The following UGT2B15 variants were observed in gnomAD, a reference collection of about 807,000 sequenced individuals.
UGT2B15 encodes UDP glucuronosyltransferase family 2 member B15.
In UGT2B15, 36 loss-of-function variants were observed where a neutral mutation model predicts 45.9. The observed-to-expected ratio is 0.78, with a 90% CI of 0.60 to 1.04. The LOEUF is 1.04. UGT2B15 is among the 50% of genes least tolerant of loss of function. UGT2B15 has a pLI of 0.00. For synonymous variants in UGT2B15, 219 were observed against 216.4 expected (o/e 1.01, Z -0.11); for missense variants, 617 against 622.4 (o/e 0.99, Z 0.09).
rs1560601209 is a variant in UGT2B15, at chr4:68,647,140, C to G, written c.1557G>C (p.Lys519Asn). The change falls in exon 6 of 6, where the codon AAG (lysine) becomes AAC (asparagine). Residue 519 changes from lysine to asparagine, a missense_variant. Around this residue, in one of 3 missense-constraint regions of UGT2B15, gnomAD observed 265 missense variants for 245.1 expected, o/e 1.08. Coordinates refer to ENST00000338206, the MANE Select transcript of UGT2B15 (RefSeq NM_001076.4). ...ITKFCLFCFRKLAKKGKKKKR... is the reference protein window; with the variant it reads ...ITKFCLFCFRNLAKKGKKKKR... ...TCTTCTTCTTTCCTTTTTTGGCAAG[C>G]TTTCGGAAACAAAACAGGCAAAATT... 1 of 1,613,016 alleles carries G rather than the reference C, an allele frequency of 6.2e-7. No individual in the cohort carries two copies. The highest frequency in any genetic ancestry group is 8.5e-7 in the Non-Finnish European group (1 of 1,179,594).
chr4:68,669,539 A>G (rs527522610), intron 1 of UGT2B15, among the ~76,000 whole-genome samples: 2 of 152,302 alleles, frequency 1.3e-5, no homozygotes, highest in African/African-American at 2.4e-5. Context: ...ATGTGTAAAT[A>G]CTAAATTTAT....
intron 3 of UGT2B15, among the ~76,000 whole-genome samples, chr4:68,661,051 A>T (rs1388728721): frequency 1.3e-5 from 2 of 152,044 alleles, no homozygotes; most frequent in Admixed American, 1.3e-4. Flanking sequence ...CTTTCCTAAT[A>T]ACTCAGGACC....
At position 68,647,341 on chromosome 4, in the gene UGT2B15, G is replaced by C; in HGVS notation, c.1356C>G (p.Asp452Glu). Residue 452 changes from aspartate to glutamate, a missense_variant, in exon 6 of 6, where the codon GAC becomes GAG. Transcript: ENST00000338206. ...CTCGATCCAGGGGCTTCATTGGTTG[G>C]TCATGATGAATTCTTGATAATTTCA... ...NVMKLSRIHH[D>E]QPMKPLDRAV... 1 of 1,613,670 alleles carries C rather than the reference G, an allele frequency of 6.2e-7. No individual in the cohort carries two copies. Among genetic ancestry groups the C allele is most frequent in the Non-Finnish European group, 8.5e-7 (1 of 1,179,710 alleles).
chr4:68,668,316 T>TA, intron 1 of UGT2B15, 128 bp from the exon 2 acceptor site: 1 of 1,319,410 alleles, frequency 7.6e-7, no homozygotes, highest in Non-Finnish European at 1.0e-6. Context: ...TGTGCATTGA[T>TA]AAAATATATA....
chr4:68,657,612 C>A (rs1732846182), intron 3 of UGT2B15, among the ~76,000 whole-genome samples: 1 of 152,034 alleles, frequency 6.6e-6, no homozygotes, highest in Non-Finnish European at 1.5e-5. Context: ...CTCTACTTGG[C>A]AGAGTTTATG....
At chr4:68,647,700 A>T (rs1732523127) in intron 5 of UGT2B15, among the ~76,000 whole-genome samples, 1 of 151,940 alleles carries the variant, frequency 6.6e-6, no homozygotes, top group Non-Finnish European at 1.5e-5. Flanking sequence ...TTTGAGAATG[A>T]TCTTTTTGAT....
At chr4:68,648,298 A>G (rs1732543773) in intron 5 of UGT2B15, among the ~76,000 whole-genome samples, 1 of 152,088 alleles carries the variant, frequency 6.6e-6, no homozygotes, top group Non-Finnish European at 1.5e-5. Flanking sequence ...ACTTTCTTCT[A>G]GAGACAATGG....
intron 3 of UGT2B15, among the ~76,000 whole-genome samples, chr4:68,662,769 C>T (rs1733002672): frequency 7.0e-6 from 1 of 143,518 alleles, no homozygotes; most frequent in Admixed American, 7.3e-5. Flanking sequence ...ACTTCACTAG[C>T]ACCTCTTAAA....
chr4:68,651,789 T>A (rs1732663309), intron 5 of UGT2B15, among the ~76,000 whole-genome samples: 1 of 152,138 alleles, frequency 6.6e-6, no homozygotes, highest in African/African-American at 2.4e-5. Context: ...GTAGTACAGT[T>A]TGAAGTCAGG....
rs1427184625 is a variant in UGT2B15, at chr4:68,647,172, T to C, written c.1525A>G (p.Ile509Val). 2 of 1,613,870 alleles carry C rather than the reference T, an allele frequency of 1.2e-6. No individual in the cohort carries two copies. The highest frequency in any genetic ancestry group is 1.7e-6 in the Non-Finnish European group (2 of 1,179,932). The change falls in exon 6 of 6, where the codon ATC becomes GTC. Residue 509 changes from isoleucine to valine, a missense_variant. Ile to Val is a conservative substitution (Grantham distance 29). Transcript: ENST00000338206. The stretch of plus-strand genomic sequence containing the variant: ...AAACAAAACAGGCAAAATTTTGTGA[T>C]GATAAATATCACAGTTGCCACGCAG... ...LACVATVIFIITKFCLFCFRK... is the reference protein window; with the variant it reads ...LACVATVIFIVTKFCLFCFRK...
At chr4:68,652,269 A>G (rs1732677398) in intron 5 of UGT2B15, among the ~76,000 whole-genome samples, 1 of 151,996 alleles carries the variant, frequency 6.6e-6, no homozygotes, top group Non-Finnish European at 1.5e-5. Context: ...CAGCTTAAGG[A>G]ATTTTGGAGC....
Position 68,647,532 on chromosome 4 carries a change from G to T in UGT2B15, c.1314-149C>A, listed in dbSNP as rs892839265. On this transcript the variant is annotated intron_variant, in intron 5 of 5. Transcript: ENST00000338206. ...ATGAAATTTCAATGTTTTAATTCATGTCATTACAGAAAGTTTGGTTTTTAA... is the reference window on the plus strand; with the variant it reads ...ATGAAATTTCAATGTTTTAATTCATTTCATTACAGAAAGTTTGGTTTTTAA... 28 of 1,055,124 alleles carry T rather than the reference G, an allele frequency of 2.7e-5. No homozygotes were observed. In the Admixed American group the frequency reaches 8.7e-4, roughly 33 times the overall value. The allele number at this position is 1,055,124 out of a possible 1,614,324, so 65.4% of individuals were successfully genotyped here.
intron 1 of UGT2B15, among the ~76,000 whole-genome samples, chr4:68,668,784 T>C (rs1733216162): frequency 1.3e-5 from 2 of 151,602 alleles, no homozygotes; most frequent in South Asian, 4.2e-4. Context: ...CCCAGTCATG[T>C]AGAACTGAGT....
At position 68,646,778 on chromosome 4, in the gene UGT2B15, T is replaced by C. The variant is rs913225801; in HGVS notation, c.*326A>G. ...ATTATACTTTAAGTTTTAGGGTACA[T>C]GTGCACAACGTGCAGGTTAGCTACA... On this transcript the variant is annotated 3_prime_UTR_variant, in exon 6 of 6. Transcript: ENST00000338206. 1.3e-4 allele frequency: 24 copies of C among 191,394 alleles called. No individual in the cohort carries two copies. The highest frequency in any genetic ancestry group is 2.2e-4 in the Non-Finnish European group (21 of 94,238). The allele number at this position is 191,394 out of a possible 1,614,324, so 11.9% of individuals were successfully genotyped here.
chr4:68,660,602 C>G (rs1732934588), intron 3 of UGT2B15, among the ~76,000 whole-genome samples: 1 of 151,678 alleles, frequency 6.6e-6, no homozygotes, highest in South Asian at 2.1e-4. Flanking sequence ...AAACTGAAGA[C>G]AGAAAAATTA....
At chr4:68,648,355 C>T (rs371545112) in intron 5 of UGT2B15, among the ~76,000 whole-genome samples, 1 of 152,062 alleles carries the variant, frequency 6.6e-6, no homozygotes, top group East Asian at 1.9e-4. Context: ...ACCTTAGCCC[C>T]TTTACACCTT....
intron 3 of UGT2B15, among the ~76,000 whole-genome samples, chr4:68,658,148 TGTA>T (rs1187768464): frequency 1.3e-5 from 2 of 152,044 alleles, no homozygotes; most frequent in African/African-American, 4.8e-5. Context: ...TATGGCAAAA[TGTA>T]GTTTTCATAA....
chr4:68,658,766 C>T (rs963656685), intron 3 of UGT2B15, among the ~76,000 whole-genome samples: 9 of 151,978 alleles, frequency 5.9e-5, no homozygotes, highest in African/African-American at 1.5e-4. Context: ...GCAACACTAT[C>T]CTTCAACTCA....
At chr4:68,651,917 A>G (rs560626190) in intron 5 of UGT2B15, among the ~76,000 whole-genome samples, 9 of 152,094 alleles carry the variant, frequency 5.9e-5, no homozygotes, top group East Asian at 3.9e-4. Context: ...AGGAATGTCA[A>G]TGGTAGTTTG....
Sources: gnomAD v4.1 joint callset for allele counts (sites outside exome capture counted in the v4.1 genomes callset) on GRCh38, gnomAD v4.1.1 for gene constraint, gnomAD v4.1.1 regional missense constraint, MANE v1.5 for transcripts, NCBI Gene and HGNC (gene_info 2026-07-23, HGNC 2026-07-21) for gene names.